The following PGAP3 variants were observed in gnomAD, a reference collection of about 807,000 sequenced individuals.
PGAP3 encodes post-GPI attachment to proteins phospholipase 3, also known as GPI-specific phospholipase A2-like PGAP3.
Under a neutral mutation model 40.3 loss-of-function variants are expected in PGAP3, and 31 were observed. That is an observed-to-expected ratio of 0.77 (90% CI 0.58 to 1.04). The LOEUF is 1.04. Among genes scored for constraint, PGAP3 ranks in the 50% least tolerant of loss-of-function variants. The pLI, the probability that PGAP3 is intolerant of heterozygous loss-of-function variation, is 0.00. For synonymous variants in PGAP3, 191 were observed against 184.5 expected, an observed-to-expected ratio of 1.04 and a Z score of -0.29; for missense variants, 413 against 423.0, an observed-to-expected ratio of 0.98 and a Z score of 0.21.
At chr17:39,674,079 G>C (rs768485234) in intron 4 of PGAP3, 25 bp from the exon 5 acceptor site, 2 of 1,609,402 alleles carry the variant, frequency 1.2e-6, no homozygotes, top group South Asian at 2.2e-5. Flanking sequence ...GGGTGGTGAG[G>C]GACCAGCATG....
chr17:39,675,528 A>T (rs2057365844), intron 3 of PGAP3, among the ~76,000 whole-genome samples: 1 of 152,194 alleles, frequency 6.6e-6, no homozygotes, highest in Admixed American at 6.5e-5. Flanking sequence ...ACAGCAGGCC[A>T]GGCCGGGAAT....
At chr17:39,673,869 T>G in intron 5 of PGAP3, 124 bp downstream of exon 5, 1 of 1,269,546 alleles carries the variant, frequency 7.9e-7, no homozygotes, top group Non-Finnish European at 1.1e-6. Flanking sequence ...ACAGCTGATG[T>G]GTTGGGGGTT....
At chr17:39,680,401 C>T (rs2057425169) in intron 3 of PGAP3, among the ~76,000 whole-genome samples, 1 of 152,168 alleles carries the variant, frequency 6.6e-6, no homozygotes, top group African/African-American at 2.4e-5. Flanking sequence ...TAATTTATCA[C>T]AACTGTTATT....
rs1597822026 is a variant in PGAP3 at position 39,681,014 on chromosome 17, C to A, written c.432+3583G>T. Among the ~76,000 whole-genome samples, 4 of 152,300 alleles carry A rather than the reference C, an allele frequency of 2.6e-5. No homozygotes were observed. In the South Asian group the frequency reaches 8.3e-4, roughly 32 times the overall value. Reference sequence around the variant, plus strand: ...ACTAGCTGGGACTACGGGCATGTGCCACCAGGCCTGGCTTATTTTTTTTGT... The same window carrying A: ...ACTAGCTGGGACTACGGGCATGTGCAACCAGGCCTGGCTTATTTTTTTTGT... On this transcript the variant is annotated intron_variant, in intron 3 of 7. Transcript: ENST00000300658.
At chr17:39,675,023 C>T (rs889445349) in intron 3 of PGAP3, among the ~76,000 whole-genome samples, 7 of 130,290 alleles carry the variant, frequency 5.4e-5, no homozygotes, top group Non-Finnish European at 1.2e-4. Flanking sequence ...CTCCTCCAAC[C>T]GGCAGGTGTT....
At chr17:39,687,749 G>A in intron 1 of PGAP3, 85 bp downstream of exon 1, 1 of 1,107,930 alleles carries the variant, frequency 9.0e-7, no homozygotes, top group Non-Finnish European at 1.2e-6. Context: ...GGAAACTAAG[G>A]TTCAGGGATT....
At chr17:39,686,739 T>C (rs760237423) in intron 1 of PGAP3, among the ~76,000 whole-genome samples, 1 of 151,998 alleles carries the variant, frequency 6.6e-6, no homozygotes, top group Admixed American at 6.6e-5. Context: ...AGAGAAGGCA[T>C]CTTGTCATGT....
Position 39,687,832 on chromosome 17 carries a change from A to G in PGAP3, c.181+2T>C, listed in dbSNP as rs2057587093. 3 of 1,441,090 alleles carry G rather than the reference A, an allele frequency of 2.1e-6. No individual in the cohort carries two copies. The highest frequency in any genetic ancestry group is 2.9e-5 in the African/African-American group (2 of 69,698). 89.3% of individuals were successfully genotyped at this position (1,441,090 alleles called of 1,614,324 possible). A position where few individuals can be genotyped will look rare whatever the true frequency, so the allele number is the denominator to read the frequency against. Reference sequence around the variant, plus strand: ...GGGGCTTACCGTGGGGGTGGGGCTTACCTGCTAGACTCATGTAGATTGGCT... The same window carrying G: ...GGGGCTTACCGTGGGGGTGGGGCTTGCCTGCTAGACTCATGTAGATTGGCT... On this transcript the variant is annotated splice_donor_variant, in intron 1 of 7. Transcript: ENST00000300658. LOFTEE classifies it high-confidence loss of function.
rs34660515 is a variant in PGAP3 at position 39,684,645 on chromosome 17, G to A, written c.384C>T (p.Phe128=). The change falls in exon 3 of 8, where the codon TTC becomes TTT. Residue 128 remains phenylalanine, a synonymous_variant. Coordinates refer to ENST00000300658, the MANE Select transcript of PGAP3 (RefSeq NM_033419.5). Reference sequence around the variant, plus strand: ...GGTACATGGGGGAGGAGGCTGGCACGAAGGTGCGGTAGCGGCAGAGCATCA... The same window carrying A: ...GGTACATGGGGGAGGAGGCTGGCACAAAGGTGCGGTAGCGGCAGAGCATCA... ...SLVMLCRYRT[F]VPASSPMYHT... 100 of 1,614,030 alleles carry A rather than the reference G, an allele frequency of 6.2e-5. No individual in the cohort carries two copies. The highest frequency in any genetic ancestry group is 1.7e-4 in the Middle Eastern group (1 of 6,060).
At position 39,675,089 on chromosome 17, in the gene PGAP3, G is replaced by A. The variant is rs1025734961; in HGVS notation, c.433-410C>T. Among the ~76,000 whole-genome samples, 77 of 151,944 alleles carry A rather than the reference G, an allele frequency of 5.1e-4. 1 individual carries two copies. Among genetic ancestry groups the A allele is most frequent in the South Asian group, 1.5e-3 (7 of 4,816 alleles). On this transcript the variant is annotated intron_variant, in intron 3 of 7. Transcript: ENST00000300658. ...GCCAGTGACCTCAGCCTCTGGGGGC[G>A]GGAATGAGGTGGGTGGGGTGGAGGG...
intron 2 of PGAP3, 45 bp downstream of exon 2, chr17:39,685,877 C>T (rs752851537): frequency 1.3e-6 from 2 of 1,554,656 alleles, no homozygotes; most frequent in East Asian, 2.3e-5. Flanking sequence ...GTATATTACT[C>T]CTACCACGCT....
chr17:39,673,954 G>T (rs781342238), intron 5 of PGAP3, 39 bp downstream of exon 5: 4 of 1,598,796 alleles, frequency 2.5e-6, no homozygotes, highest in South Asian at 2.2e-5. Context: ...CTGCCCCCAG[G>T]GTTCGATTTT....
chr17:39,679,073 G>A (rs1416663672), intron 3 of PGAP3, among the ~76,000 whole-genome samples: 1 of 152,134 alleles, frequency 6.6e-6, no homozygotes, highest in Non-Finnish European at 1.5e-5. Flanking sequence ...AGCCTCCCGA[G>A]TAGCTGGGAT....
chr17:39,680,530 G>A (rs564551217), intron 3 of PGAP3, among the ~76,000 whole-genome samples: 4 of 152,152 alleles, frequency 2.6e-5, no homozygotes, highest in South Asian at 2.1e-4. Context: ...CCTGGACTTC[G>A]CAGCACGCCC....
At chr17:39,675,313 G>A (rs1189046214) in intron 3 of PGAP3, among the ~76,000 whole-genome samples, 1 of 152,246 alleles carries the variant, frequency 6.6e-6, no homozygotes, top group African/African-American at 2.4e-5. Context: ...GGTGGGCCAG[G>A]GCCCAGGGGA....
rs572171194 is a variant in PGAP3 at position 39,671,768 on chromosome 17, C to G, written c.*1035G>C. 18 of 152,652 alleles carry G rather than the reference C, an allele frequency of 1.2e-4. No homozygotes were observed. The highest frequency in any genetic ancestry group is 4.1e-4 in the African/African-American group (17 of 41,574). 9.5% of individuals were successfully genotyped at this position (152,652 alleles called of 1,614,324 possible). A position where few individuals can be genotyped will look rare whatever the true frequency, so the allele number is the denominator to read the frequency against. On this transcript the variant is annotated 3_prime_UTR_variant, in exon 8 of 8. Transcript: ENST00000300658. ...AAAGGGGCACCAGACAGGGAACATG[C>G]ACACAGGCAGCCTGGCCATGGAGAG...
In PGAP3 at chr17:39,685,206, G is replaced by A. The variant is rs534103979; in HGVS notation, c.280-457C>T. On this transcript the variant is annotated intron_variant, in intron 2 of 7. Transcript: ENST00000300658. ...TGAAACGTACCAGCAGGCCAGGCGCGGTGGCTCACGCCTGTAATCCCAGCA... is the reference window on the plus strand; with the variant it reads ...TGAAACGTACCAGCAGGCCAGGCGCAGTGGCTCACGCCTGTAATCCCAGCA... 1.8e-4 allele frequency among the ~76,000 whole-genome samples: 27 copies of A among 151,988 alleles called. No homozygotes were observed. In the South Asian group the frequency reaches 3.7e-3, roughly 21 times the overall value.
chr17:39,684,924 T>C (rs927774997), intron 2 of PGAP3, 175 bp from the exon 3 acceptor site: 4 of 722,386 alleles, frequency 5.5e-6, no homozygotes, highest in African/African-American at 1.8e-5. Flanking sequence ...CTCCAGTGCC[T>C]AGTTAAGAGT....
At chr17:39,673,305 C>T in intron 6 of PGAP3, 50 bp from the exon 7 acceptor site, 2 of 1,556,314 alleles carry the variant, frequency 1.3e-6, no homozygotes, top group South Asian at 2.3e-5. Context: ...CTCCTTCTCC[C>T]CAAGGCCACC....
Sources: gnomAD v4.1 joint callset for allele counts (sites outside exome capture counted in the v4.1 genomes callset) on GRCh38, gnomAD v4.1.1 for gene constraint, MANE v1.5 for transcripts, NCBI Gene and HGNC (gene_info 2026-07-23, HGNC 2026-07-21) for gene names.